Variants in EXOC6 observed in about 807,000 individuals in gnomAD.
The protein encoded by EXOC6 is exocyst complex component 6.
Under a neutral mutation model 112.5 loss-of-function variants are expected in EXOC6, and 60 were observed. The ratio of observed to expected loss-of-function variants is 0.53; its 90% confidence interval spans 0.43 to 0.66. EXOC6 has a LOEUF of 0.66. EXOC6 is among the 30% of genes least tolerant of loss of function. EXOC6 has a pLI of 0.00. For synonymous variants in EXOC6, 295 were observed against 308.0 expected (o/e 0.96, Z 0.44); for missense variants, 855 against 957.1 (o/e 0.89, Z 1.41).
rs865983552 is a variant in EXOC6 at position 92,886,159 on chromosome 10, A to G, written c.102-7190A>G. Among the ~76,000 whole-genome samples the G allele has an allele frequency of 2.0e-5, 3 of 152,234 alleles. No individual in the cohort carries two copies. The South Asian group carries it at 6.2e-4, about 31-fold the overall frequency. ...ATTAGGTAGATATAACTATAAACCAACTAGGCTCAAAGAGTGAGTACTGCT... is the reference window on the plus strand; with the variant it reads ...ATTAGGTAGATATAACTATAAACCAGCTAGGCTCAAAGAGTGAGTACTGCT... On this transcript the variant is annotated intron_variant, in intron 1 of 21. Transcript: ENST00000260762.
At chr10:92,971,766 GT>G (rs1278672576) in intron 17 of EXOC6, among the ~76,000 whole-genome samples, 1 of 151,958 alleles carries the variant, frequency 6.6e-6, no homozygotes, top group African/African-American at 2.4e-5. Context: ...TTGTTCTTAA[GT>G]TTTTGTCTTA....
In EXOC6 at chr10:93,058,561, G is replaced by A; in HGVS notation, c.*206G>A. 1 of 382,074 alleles carries A rather than the reference G, an allele frequency of 2.6e-6. No homozygotes were observed. Among genetic ancestry groups the A allele is most frequent in the Non-Finnish European group, 4.5e-6 (1 of 223,566 alleles). 23.7% of individuals were successfully genotyped at this position (382,074 alleles called of 1,614,324 possible). Reference sequence around the variant, plus strand: ...TACTATTTTATATATGGAAAAAAATGACCATTTTTTCACTTTTAGGGGAAA... The same window carrying A: ...TACTATTTTATATATGGAAAAAAATAACCATTTTTTCACTTTTAGGGGAAA... On this transcript the variant is annotated 3_prime_UTR_variant, in exon 22 of 22. Transcript: ENST00000260762.
intron 9 of EXOC6, among the ~76,000 whole-genome samples, chr10:92,933,587 A>G (rs1228895598): frequency 2.0e-5 from 3 of 152,258 alleles, no homozygotes; most frequent in Non-Finnish European, 2.9e-5. Context: ...AAAACATAAC[A>G]TTTGAACTTA....
At chr10:92,907,745 T>C (rs1850522833) in intron 5 of EXOC6, among the ~76,000 whole-genome samples, 2 of 152,176 alleles carry the variant, frequency 1.3e-5, no homozygotes, top group African/African-American at 2.4e-5. Flanking sequence ...GCATTTAAAA[T>C]GTTATGCATT....
chr10:93,055,975 T>C (rs1846519988), intron 20 of EXOC6, among the ~76,000 whole-genome samples: 1 of 152,124 alleles, frequency 6.6e-6, no homozygotes, highest in Non-Finnish European at 1.5e-5. Flanking sequence ...TAAATGCAAA[T>C]GTTTCCTCCA....
Position 92,999,164 on chromosome 10 carries a change from T to C in EXOC6, c.2095+1549T>C. ...TGGGATTATAGGCATGAGCTACCCT[T>C]GGCCTATTTTGTATTTACAACAATA... On this transcript the variant is annotated intron_variant, in intron 19 of 21. Coordinates refer to ENST00000260762, the MANE Select transcript of EXOC6 (RefSeq NM_019053.6). 5.2e-6 allele frequency: 2 copies of C among 386,064 alleles called. 1 individual carries two copies. The highest frequency in any genetic ancestry group is 3.8e-5 in the South Asian group (2 of 52,024). 23.9% of individuals were successfully genotyped at this position (386,064 alleles called of 1,614,324 possible).
At position 93,014,250 on chromosome 10, in the gene EXOC6, T is replaced by A; in HGVS notation, c.2152T>A (p.Phe718Ile). The A allele has an allele frequency of 6.2e-7, 1 of 1,613,390 alleles. No individual in the cohort carries two copies. Among genetic ancestry groups the A allele is most frequent in the Non-Finnish European group, 8.5e-7 (1 of 1,179,406 alleles). The part of the protein sequence containing the change: ...GFQGDTLQLA[F>I]IDLRQLLDLF... Reference sequence around the variant, plus strand: ...CCAGGGGGATACCCTGCAGCTAGCATTCATTGACCTCAGACAAGTAAGATA... The same window carrying A: ...CCAGGGGGATACCCTGCAGCTAGCAATCATTGACCTCAGACAAGTAAGATA... Residue 718 changes from phenylalanine (F) to isoleucine (I), a missense_variant, in exon 20 of 22, where the codon TTC (phenylalanine) becomes ATC (isoleucine). Phe to Ile is a conservative substitution (Grantham distance 21, BLOSUM62 0). Coordinates refer to ENST00000260762, the MANE Select transcript of EXOC6 (RefSeq NM_019053.6).
intron 13 of EXOC6, among the ~76,000 whole-genome samples, chr10:92,947,279 G>C (rs1372460973): frequency 1.3e-5 from 2 of 152,086 alleles, no homozygotes; most frequent in African/African-American, 2.4e-5. Context: ...ACTTTTCAAC[G>C]TGTTGTCTTC....
chr10:93,001,076 A>G (rs942093448), intron 19 of EXOC6, among the ~76,000 whole-genome samples: 7 of 152,208 alleles, frequency 4.6e-5, no homozygotes, highest in African/African-American at 1.7e-4. Flanking sequence ...ATATTAGAGC[A>G]GGGAAAGGAG....
intron 20 of EXOC6, among the ~76,000 whole-genome samples, chr10:93,034,333 A>G (rs1845410320): frequency 6.6e-6 from 1 of 152,146 alleles, no homozygotes; most frequent in African/African-American, 2.4e-5. Context: ...CTTGCTTGAA[A>G]AGGGAAGTAC....
intron 20 of EXOC6, among the ~76,000 whole-genome samples, chr10:93,037,841 G>A (rs897724114): frequency 6.7e-6 from 1 of 150,356 alleles, no homozygotes; most frequent in African/African-American, 2.4e-5. Context: ...CACGAGGTCC[G>A]GAGATCGAGA....
upstream of EXOC6, among the ~76,000 whole-genome samples, chr10:92,847,506 G>C (rs767733709): frequency 1.3e-5 from 2 of 152,206 alleles, no homozygotes; most frequent in Non-Finnish European, 2.9e-5. Context: ...GAGCTTGGTT[G>C]ACTCAAAGGG....
intron 1 of EXOC6, among the ~76,000 whole-genome samples, chr10:92,890,349 G>A (rs1377729340): frequency 1.3e-5 from 2 of 152,130 alleles, no homozygotes; most frequent in Non-Finnish European, 2.9e-5. Context: ...CTTACCTGAG[G>A]TTGAACTGCT....
intron 1 of EXOC6, among the ~76,000 whole-genome samples, chr10:92,878,526 G>A (rs1848785616): frequency 6.6e-6 from 1 of 152,082 alleles, no homozygotes; most frequent in African/African-American, 2.4e-5. Flanking sequence ...GGAGTGATAC[G>A]CGTGCCCATC....
intron 8 of EXOC6, among the ~76,000 whole-genome samples, chr10:92,920,892 A>G (rs539474772): frequency 4.6e-5 from 7 of 152,284 alleles, no homozygotes; most frequent in Admixed American, 4.6e-4. Context: ...GGCTTTAATT[A>G]GTATAGCCAC....
chr10:92,896,073 A>G (rs111140078), intron 4 of EXOC6, among the ~76,000 whole-genome samples: 23,412 of 74,410 alleles, frequency 0.31, 4,571 homozygotes, highest in East Asian at 0.77. Flanking sequence ...ATATATGTGT[A>G]TATATATGTG....
chr10:92,911,929 CTCTGTGTGCG>C (rs755746729), intron 6 of EXOC6, among the ~76,000 whole-genome samples: 2 of 71,908 alleles, frequency 2.8e-5, no homozygotes, highest in African/African-American at 4.5e-5. Context: ...CTCTCTCTCT[CTCTGTGTGCG>C]TGTGTGTGTG....
Position 93,056,909 on chromosome 10 carries a change from C to G in EXOC6, c.2170-15C>G, listed in dbSNP as rs377402250. 5 of 1,424,172 alleles carry G rather than the reference C, an allele frequency of 3.5e-6. No homozygotes were observed. Among genetic ancestry groups the G allele is most frequent in the Non-Finnish European group, 4.9e-6 (5 of 1,019,192 alleles). 88.2% of individuals were successfully genotyped at this position (1,424,172 alleles called of 1,614,324 possible). The stretch of plus-strand genomic sequence containing the variant: ...TAATCAAAAGTTGATTTAACATTTC[C>G]CCCATCTTTCGCAGCTCCTTGACCT... On this transcript the variant is annotated splice_polypyrimidine_tract_variant and intron_variant, in intron 20 of 21. Coordinates refer to ENST00000260762, the MANE Select transcript of EXOC6 (RefSeq NM_019053.6).
intron 19 of EXOC6, among the ~76,000 whole-genome samples, chr10:93,011,432 A>AT (rs891490422): frequency 9.3e-5 from 14 of 150,720 alleles, no homozygotes; most frequent in East Asian, 1.9e-4. Flanking sequence ...GCTAATTTTA[A>AT]TTTTTTTTTG....
Sources: gnomAD v4.1 joint callset for allele counts (sites outside exome capture counted in the v4.1 genomes callset) on GRCh38, gnomAD v4.1.1 for gene constraint, MANE v1.5 for transcripts, NCBI Gene and HGNC (gene_info 2026-07-23, HGNC 2026-07-21) for gene names.